Variants in HPSE2 observed in about 807,000 individuals in gnomAD.
HPSE2 encodes the protein heparanase 2 (inactive).
HPSE2 carries 38 observed loss-of-function variants against 60.5 expected under a neutral mutation model. That is an observed-to-expected ratio of 0.63 (90% confidence interval 0.48 to 0.82). The LOEUF (loss-of-function observed/expected upper bound fraction) is 0.82. HPSE2 is among the 40% of genes least tolerant of loss of function. The pLI is 0.00. For missense variants in HPSE2, 713 were observed against 740.4 expected (o/e 0.96, Z 0.43); for synonymous variants, 295 against 293.2 (o/e 1.01, Z -0.06).
chr10:98,589,199 A>G (rs527471428), intron 9 of HPSE2, among the ~76,000 whole-genome samples: 8 of 152,348 alleles, frequency 5.3e-5, no homozygotes, highest in Admixed American at 2.6e-4. Flanking sequence ...CAGGCGCACA[A>G]TCCCATGCAT....
At chr10:99,091,383 C>T (rs1004400632) in intron 3 of HPSE2, among the ~76,000 whole-genome samples, 2 of 152,060 alleles carry the variant, frequency 1.3e-5, no homozygotes, top group Non-Finnish European at 2.9e-5. Flanking sequence ...TGTTCAAAGC[C>T]ACTTAGTTGG....
chr10:98,815,185 G>A lies in HPSE2; in HGVS notation c.611-71129C>T, dbSNP rs113730442. On this transcript the variant is annotated intron_variant, in intron 3 of 11. Transcript: ENST00000370552. The stretch of plus-strand genomic sequence containing the variant: ...GTGGTCCCAGTACTCAGGAGGCTGA[G>A]GCAGGAGGATCACTGGAGCCTGAGA... Among the ~76,000 whole-genome samples, 1,059 of 152,298 alleles carry A rather than the reference G, an allele frequency of 7.0e-3. 10 individuals carry two copies. The highest frequency in any genetic ancestry group is 0.01 in the Non-Finnish European group (682 of 68,036).
chr10:98,978,288 T>A (rs1340143043), intron 3 of HPSE2, among the ~76,000 whole-genome samples: 1 of 152,160 alleles, frequency 6.6e-6, no homozygotes, highest in African/African-American at 2.4e-5. Context: ...TAAGCAGGCC[T>A]TTAAAAAAAA....
In HPSE2 at chr10:99,168,979, G is replaced by A. The variant is rs186806382; in HGVS notation, c.449-24580C>T. ...GGAGGCCAAGGCGGGTGGATCACAA[G>A]GTCAGGAGATCGAGACCATCCTGTG... On this transcript the variant is annotated intron_variant, in intron 2 of 11. Transcript: ENST00000370552. Among the ~76,000 whole-genome samples, 28 of 151,336 alleles carry A rather than the reference G, an allele frequency of 1.9e-4. No individual in the cohort carries two copies. In the East Asian group the frequency reaches 5.3e-3, roughly 29 times the overall value.
At chr10:99,222,920 T>G (rs1849360171) in intron 2 of HPSE2, among the ~76,000 whole-genome samples, 1 of 152,154 alleles carries the variant, frequency 6.6e-6, no homozygotes, top group Non-Finnish European at 1.5e-5. Flanking sequence ...ATGGCACACA[T>G]TTTTTTAATG....
chr10:99,234,469 G>A (rs1388683725), intron 1 of HPSE2, among the ~76,000 whole-genome samples: 1 of 152,220 alleles, frequency 6.6e-6, no homozygotes, highest in Admixed American at 6.5e-5. Context: ...GGCTCTTCGA[G>A]GGGAACCCAC....
At chr10:99,130,950 G>A (rs557616364) in intron 3 of HPSE2, among the ~76,000 whole-genome samples, 1 of 152,278 alleles carries the variant, frequency 6.6e-6, no homozygotes, top group African/African-American at 2.4e-5. Flanking sequence ...AGCTAAGGGA[G>A]AGTCAATTCA....
chr10:98,779,954 A>G (rs1418600887), intron 3 of HPSE2, among the ~76,000 whole-genome samples: 1 of 152,164 alleles, frequency 6.6e-6, no homozygotes, highest in African/African-American at 2.4e-5. Context: ...AGAGCCACAC[A>G]TTAGTTACAA....
chr10:98,581,195 G>A (rs1356224610), intron 9 of HPSE2, among the ~76,000 whole-genome samples: 1 of 151,918 alleles, frequency 6.6e-6, no homozygotes, highest in Non-Finnish European at 1.5e-5. Flanking sequence ...GAGCCACTGT[G>A]CCCAGTCTAT....
intron 3 of HPSE2, among the ~76,000 whole-genome samples, chr10:99,061,993 G>A (rs1252521491): frequency 6.6e-6 from 1 of 152,156 alleles, no homozygotes; most frequent in Admixed American, 6.5e-5. Flanking sequence ...AGAGGGCATA[G>A]AGGAGGGAGA....
At chr10:98,747,779 T>C (rs1052157160) in intron 3 of HPSE2, among the ~76,000 whole-genome samples, 2 of 152,252 alleles carry the variant, frequency 1.3e-5, no homozygotes, top group Non-Finnish European at 2.9e-5. Flanking sequence ...TCTTGGGATT[T>C]ACTTCTTGAT....
At chr10:98,850,542 C>T (rs1020181651) in intron 3 of HPSE2, among the ~76,000 whole-genome samples, 1 of 151,950 alleles carries the variant, frequency 6.6e-6, no homozygotes, top group African/African-American at 2.4e-5. Flanking sequence ...GGAGACCATC[C>T]TGGCTAACAC....
chr10:98,845,560 G>A (rs1187456292), intron 3 of HPSE2, among the ~76,000 whole-genome samples: 1 of 152,218 alleles, frequency 6.6e-6, no homozygotes, highest in African/African-American at 2.4e-5. Context: ...AAAATGTTAT[G>A]AGCAATGGCA....
intron 11 of HPSE2, chr10:98,461,849 C>G: frequency 6.6e-7 from 1 of 1,517,606 alleles, no homozygotes. Flanking sequence ...GTGTGATTAG[C>G]AAACCTTTAA....
chr10:98,474,251 T>C (rs1940904829), intron 11 of HPSE2, among the ~76,000 whole-genome samples: 5 of 152,202 alleles, frequency 3.3e-5, no homozygotes, highest in Admixed American at 2.0e-4. Flanking sequence ...GTTAAGGTTT[T>C]TCCCAAAGCT....
At position 99,126,833 on chromosome 10, in the gene HPSE2, C is replaced by T. The variant is rs957614841; in HGVS notation, c.610+17405G>A. Among the ~76,000 whole-genome samples, 3 of 152,174 alleles carry T rather than the reference C, an allele frequency of 2.0e-5. No homozygotes were observed. Among genetic ancestry groups the T allele is most frequent in the Non-Finnish European group, 2.9e-5 (2 of 68,032 alleles). Reference sequence around the variant, plus strand: ...ATCACATCATAGGACTCTTTGCAGACATTCCCCAGAACCAGCTTGGAGCCT... The same window carrying T: ...ATCACATCATAGGACTCTTTGCAGATATTCCCCAGAACCAGCTTGGAGCCT... On this transcript the variant is annotated intron_variant, in intron 3 of 11. Transcript: ENST00000370552. The surrounding 1 kb of genome is among the most constrained non-coding windows in gnomAD (Gnocchi z 4.0).
At chr10:99,118,955 G>C (rs575368376) in intron 3 of HPSE2, among the ~76,000 whole-genome samples, 1 of 151,878 alleles carries the variant, frequency 6.6e-6, no homozygotes, top group African/African-American at 2.4e-5. Context: ...GGTGGAGGTT[G>C]AAGTGAGCCA....
At chr10:98,485,170 G>A (rs187769696) in intron 10 of HPSE2, among the ~76,000 whole-genome samples, 8 of 152,258 alleles carry the variant, frequency 5.3e-5, no homozygotes, top group African/African-American at 1.4e-4. Flanking sequence ...GGGCTCTTCC[G>A]TGGAGATTTT....
At chr10:98,818,651 T>A (rs1485069446) in intron 3 of HPSE2, among the ~76,000 whole-genome samples, 2 of 152,076 alleles carry the variant, frequency 1.3e-5, no homozygotes, top group African/African-American at 4.8e-5. Context: ...TATCCACCTA[T>A]CCTTTAACAT....
Sources: gnomAD v4.1 joint callset for allele counts (sites outside exome capture counted in the v4.1 genomes callset) on GRCh38, gnomAD v4.1.1 for gene constraint, Gnocchi (gnomAD v3.1) non-coding constraint, MANE v1.5 for transcripts, NCBI Gene and HGNC (gene_info 2026-07-23, HGNC 2026-07-21) for gene names.